Variants in SPTB observed in about 807,000 individuals in gnomAD.
SPTB encodes spectrin beta chain, erythrocytic.
A neutral mutation model predicts 256.2 loss-of-function variants in SPTB; 45 were observed. The ratio of observed to expected loss-of-function variants is 0.18; its 90% CI spans 0.14 to 0.23. The LOEUF (loss-of-function observed/expected upper bound fraction) is 0.23, where lower values mean the gene tolerates loss of function less well. Ranked by LOEUF, SPTB falls within the 10% of genes least tolerant of loss-of-function variation. The probability of loss-of-function intolerance (pLI) is 1.00; values close to 1 mark genes in which losing one functional copy is unlikely to be tolerated. For missense variants in SPTB, 2,715 were observed against 3,040.4 expected (o/e 0.89, Z 2.52); for synonymous variants, 1,231 against 1,243.1 (o/e 0.99, Z 0.21).
At chr14:64,780,340 T>G (rs2082446312) in intron 20 of SPTB, among the ~76,000 whole-genome samples, 1 of 152,218 alleles carries the variant, frequency 6.6e-6, no homozygotes, top group Non-Finnish European at 1.5e-5. Flanking sequence ...GCTATACTGC[T>G]CAAAGCAATT....
At chr14:64,757,213 AC>A (rs2082027091) in intron 32 of SPTB, 1 of 152,168 alleles carries the variant, frequency 6.6e-6, no homozygotes. Context: ...TGCCCCTCTT[AC>A]CCAGCCTCTG....
At chr14:64,814,269 T>C (rs1430000149) in intron 2 of SPTB, among the ~76,000 whole-genome samples, 3 of 152,158 alleles carry the variant, frequency 2.0e-5, no homozygotes, top group Non-Finnish European at 2.9e-5. Flanking sequence ...ATTTGCATGT[T>C]TGCTGACATG....
At position 64,793,500 on chromosome 14, in the gene SPTB, C is replaced by T. The variant is rs748688104; in HGVS notation, c.2163G>A (p.Val721=). Residue 721 remains valine (V), a synonymous_variant, in exon 14 of 36, where the codon GTG becomes GTA. Transcript: ENST00000644917. This position sits in a 1 kb window ranked among gnomAD's most constrained non-coding sequence, Gnocchi z 7.0. ...CCTTCAGCTGGTCCCACTGTGCCGA[C>T]ACCTCCTTTATGCGGGCCTCGATCT... ...HPQIEARIKE[V]SAQWDQLKDL... The T allele has an allele frequency of 6.2e-7, 1 of 1,614,168 alleles. No homozygotes were observed.
chr14:64,782,288 G>A lies in SPTB; in HGVS notation c.4266+2C>T. On this transcript the variant is annotated splice_donor_variant, in intron 20 of 35. Transcript: ENST00000644917. LOFTEE classifies it low-confidence loss of function (GC_TO_GT_DONOR). ...CTCTGAGTCTACAACCCACTCACGT[G>A]CCTTCAGCTTAGCCAACATCCGATT... The A allele has an allele frequency of 6.2e-7, 1 of 1,614,182 alleles. No homozygotes were observed. Among genetic ancestry groups the A allele is most frequent in the Non-Finnish European group, 8.5e-7 (1 of 1,180,030 alleles).
At chr14:64,769,542 T>C (rs2082246220) in intron 28 of SPTB, 48 bp downstream of exon 28, 6 of 1,610,132 alleles carry the variant, frequency 3.7e-6, no homozygotes, top group Non-Finnish European at 4.2e-6. Context: ...GCTGGCACAG[T>C]GGGGACGGAG....
At position 64,760,804 on chromosome 14, in the gene SPTB, C is replaced by T. The variant is rs926754026; in HGVS notation, c.6345+5922G>A. On this transcript the variant is annotated intron_variant, in intron 32 of 35. Coordinates refer to ENST00000644917, the MANE Select transcript of SPTB (RefSeq NM_001355436.2). The surrounding 1 kb of genome is among the most constrained non-coding windows in gnomAD (Gnocchi z 4.3). ...ACACCTGTGTTACAAATGAGGGAAA[C>T]TGGGGGTCGTACAGAATGAGTGACC... Among the ~76,000 whole-genome samples, 3 of 152,162 alleles carry T rather than the reference C, an allele frequency of 2.0e-5. No homozygotes were observed. The highest frequency in any genetic ancestry group is 2.9e-5 in the Non-Finnish European group (2 of 68,022).
intron 8 of SPTB, 26 bp from the exon 9 acceptor site, chr14:64,799,960 C>T: frequency 6.2e-7 from 1 of 1,613,170 alleles, no homozygotes. Flanking sequence ...CTTACTTATT[C>T]TCATCAGAAG....
At chr14:64,789,218 A>C (rs1020737384) in intron 15 of SPTB, among the ~76,000 whole-genome samples, 1 of 152,120 alleles carries the variant, frequency 6.6e-6, no homozygotes, top group Non-Finnish European at 1.5e-5. Flanking sequence ...TGGGTATAGT[A>C]GTGTGCATCT....
intron 1 of SPTB, among the ~76,000 whole-genome samples, chr14:64,855,378 G>T (rs1160343507): frequency 6.6e-6 from 1 of 152,116 alleles, no homozygotes; most frequent in Non-Finnish European, 1.5e-5. Context: ...ATAGGAAAAT[G>T]ACACTCTAAG....
chr14:64,767,653 C>G lies in SPTB; in HGVS notation c.6219+10G>C. The stretch of plus-strand genomic sequence containing the variant: ...CCCTCCTGAGCCTCCCAGCACTGTT[C>G]CCTGCTCACCGTGGTGGGCTTCTCC... On this transcript the variant is annotated intron_variant, in intron 30 of 35. Coordinates refer to ENST00000644917, the MANE Select transcript of SPTB (RefSeq NM_001355436.2). The G allele has an allele frequency of 6.2e-7, 1 of 1,613,834 alleles. No homozygotes were observed. Among genetic ancestry groups the G allele is most frequent in the Non-Finnish European group, 8.5e-7 (1 of 1,180,026 alleles).
rs796469837 is a variant in SPTB, at chr14:64,788,367, G to T, written c.2805-1207C>A. Among the ~76,000 whole-genome samples, 10 of 152,312 alleles carry T rather than the reference G, an allele frequency of 6.6e-5. 1 individual carries two copies. The highest frequency in any genetic ancestry group is 2.4e-4 in the African/African-American group (10 of 41,570). On this transcript the variant is annotated intron_variant, in intron 15 of 35. Coordinates refer to ENST00000644917, the MANE Select transcript of SPTB (RefSeq NM_001355436.2). ...GAGAGCGCTGTTGTGCATTCCCAAGGTGTGACAACAGCAGCCAGTATGATT... is the reference window on the plus strand; with the variant it reads ...GAGAGCGCTGTTGTGCATTCCCAAGTTGTGACAACAGCAGCCAGTATGATT...
In SPTB at chr14:64,799,768, C is replaced by T. The variant is rs373606427; in HGVS notation, c.1043G>A (p.Arg348His). The part of the protein sequence containing the change: ...QQQLQAFSTY[R>H]TVEKPPKFQE... ...TTACTTGGGCGGCTTCTCCACGGTG[C>T]GGTAGGTGCTGAAGGCCTGCAGCTG... Residue 348 changes from arginine to histidine, a missense_variant, in exon 9 of 36, where the codon CGC becomes CAC. This residue lies in a region of SPTB where 416 missense variants were observed against 571.1 expected (regional missense o/e 0.73). Transcript: ENST00000644917. 9 of 1,614,036 alleles carry T rather than the reference C, an allele frequency of 5.6e-6. No homozygotes were observed. Among genetic ancestry groups the T allele is most frequent in the African/African-American group, 4.0e-5 (3 of 74,916 alleles).
chr14:64,756,577 T>C (rs2082019869), intron 32 of SPTB: 1 of 152,076 alleles, frequency 6.6e-6, no homozygotes, highest in South Asian at 2.1e-4. Context: ...ACAAAATAAA[T>C]AAATAAATAC....
rs1425200638 is a variant in SPTB, at chr14:64,773,142, C to G, written c.5178+78G>C. The G allele has an allele frequency of 6.9e-6, 11 of 1,590,900 alleles. No homozygotes were observed. The African/African-American group carries it at 8.1e-5, about 12-fold the overall frequency. On this transcript the variant is annotated intron_variant, in intron 25 of 35. Transcript: ENST00000644917. ...GGGAGGTTACGTCCTATGCAGCACT[C>G]TGTGTGTCTTGAGTGACGGCTGGCT...
At chr14:64,794,739 A>G (rs1208910571) in intron 12 of SPTB, 122 bp from the exon 13 acceptor site, 2 of 1,281,400 alleles carry the variant, frequency 1.6e-6, no homozygotes, top group Admixed American at 1.9e-5. Flanking sequence ...AAATGCAGCC[A>G]GAAAAGGGCT....
chr14:64,857,885 A>T (rs931187149), intron 1 of SPTB, among the ~76,000 whole-genome samples: 2 of 152,212 alleles, frequency 1.3e-5, no homozygotes, highest in African/African-American at 4.8e-5. Flanking sequence ...CTAAAAAGCA[A>T]CAAATTTGCA....
chr14:64,771,326 C>A (rs1377481510), intron 26 of SPTB, among the ~76,000 whole-genome samples, 197 bp from the exon 27 acceptor site: 1 of 152,184 alleles, frequency 6.6e-6, no homozygotes, highest in Non-Finnish European at 1.5e-5. Flanking sequence ...CCCAAGATAC[C>A]TCTTGAACTT....
At chr14:64,773,121 G>A in intron 25 of SPTB, 99 bp downstream of exon 25, 1 of 1,560,764 alleles carries the variant, frequency 6.4e-7, no homozygotes, top group Middle Eastern at 1.7e-4. Flanking sequence ...ACACTGGGGA[G>A]GTTACGTCCT....
chr14:64,868,616 A>G (rs1882335673), intron 1 of SPTB, among the ~76,000 whole-genome samples: 1 of 152,216 alleles, frequency 6.6e-6, no homozygotes, highest in Admixed American at 6.5e-5. Flanking sequence ...AACAGCAGCA[A>G]ATGCAGCAGC....
Sources: gnomAD v4.1 joint callset for allele counts (sites outside exome capture counted in the v4.1 genomes callset) on GRCh38, gnomAD v4.1.1 for gene constraint, gnomAD v4.1.1 regional missense constraint, Gnocchi (gnomAD v3.1) non-coding constraint, MANE v1.5 for transcripts, NCBI Gene and HGNC (gene_info 2026-07-23, HGNC 2026-07-21) for gene names.